The following MYH4 variants were observed in gnomAD, a reference collection of about 807,000 sequenced individuals.
MYH4 encodes myosin heavy chain 4.
Under a neutral mutation model 229.9 loss-of-function variants are expected in MYH4, and 200 were observed. The observed-to-expected ratio is 0.87, with a 90% confidence interval of 0.78 to 0.98. The LOEUF (loss-of-function observed/expected upper bound fraction) is 0.98. Ranked by LOEUF, MYH4 falls within the 50% of genes least tolerant of loss-of-function variation. The pLI, the probability that MYH4 is intolerant of heterozygous loss-of-function variation, is 0.00. For missense variants in MYH4, 2,148 were observed against 2,332.6 expected (o/e 0.92, Z 1.63); for synonymous variants, 761 against 834.6 (o/e 0.91, Z 1.52).
intron 34 of MYH4, 150 bp downstream of exon 34, chr17:10,447,668 T>C: frequency 3.8e-6 from 3 of 787,582 alleles, no homozygotes; most frequent in Non-Finnish European, 6.0e-6. Flanking sequence ...TTAAGCTCTT[T>C]TTCAGTTGTG....
chr17:10,466,483 T>C (rs749542980), intron 3 of MYH4, 59 bp downstream of exon 3: 7 of 1,612,280 alleles, frequency 4.3e-6, no homozygotes, highest in South Asian at 1.1e-5. Context: ...CAAAAAAATA[T>C]CACCTAAATT....
chr17:10,448,465 T>C lies in MYH4; in HGVS notation c.4587A>G (p.Glu1529=). The change falls in exon 33 of 40, where the codon GAA becomes GAG. Residue 1529 remains glutamate (E), a synonymous_variant. Transcript: ENST00000255381. ...QIAEGGKHIH[E]LEKVKKQLDH... ...CAAGTTGTTTCTTTACTTTCTCCAG[T>C]TCATGGATATGCTTTCCACCCTCTG... 6.2e-7 allele frequency: 1 copy of C among 1,614,038 alleles called. No individual in the cohort carries two copies. Among genetic ancestry groups the C allele is most frequent in the Non-Finnish European group, 8.5e-7 (1 of 1,179,926 alleles).
chr17:10,465,333 A>T, intron 5 of MYH4, 109 bp downstream of exon 5: 1 of 1,335,924 alleles, frequency 7.5e-7, no homozygotes, highest in South Asian at 1.4e-5. Flanking sequence ...TATTTCTGTT[A>T]TCATGTTTGT....
chr17:10,459,563 T>TAG lies in MYH4; in HGVS notation c.1417-143_1417-142insCT, dbSNP rs564821290. Reference sequence around the variant, plus strand: ...AGATTGTTTTCCTATTATATAGTTCTAAACAAAGTAGAATTGATTCTTTGA... The same window carrying TAG: ...AGATTGTTTTCCTATTATATAGTTCTAGAAACAAAGTAGAATTGATTCTTTGA... On this transcript the variant is annotated intron_variant, in intron 14 of 39. Transcript: ENST00000255381. 2.0e-4 allele frequency: 288 copies of TAG among 1,408,838 alleles called. 2 individuals are homozygous for TAG. In the South Asian group the frequency reaches 3.9e-3, roughly 19 times the overall value. The allele number at this position is 1,408,838 out of a possible 1,614,324, so 87.3% of individuals were successfully genotyped here. A position where few individuals can be genotyped will look rare whatever the true frequency, so the allele number is the denominator to read the frequency against.
intron 11 of MYH4, 98 bp downstream of exon 11, chr17:10,462,767 T>G: frequency 1.0e-6 from 1 of 984,728 alleles, no homozygotes; most frequent in Non-Finnish European, 1.5e-6. Context: ...GTATTACCTA[T>G]TTATAGTCTT....
Position 10,469,336 on chromosome 17 carries a change from A to G in MYH4, c.-88T>C, listed in dbSNP as rs1419278777. 2 of 152,340 alleles carry G rather than the reference A, an allele frequency of 1.3e-5. No homozygotes were observed. Among genetic ancestry groups the G allele is most frequent in the African/African-American group, 4.8e-5 (2 of 41,578 alleles). The allele number at this position is 152,340 out of a possible 1,614,324, so 9.4% of individuals were successfully genotyped here. On this transcript the variant is annotated splice_region_variant and 5_prime_UTR_variant, in exon 2 of 40. Coordinates refer to ENST00000255381, the MANE Select transcript of MYH4 (RefSeq NM_017533.2). Reference sequence around the variant, plus strand: ...GGTGGCAGGCTCAAAGCAGACAACTACTGTTGAAAGAAAAAAGAGAATGTG... The same window carrying G: ...GGTGGCAGGCTCAAAGCAGACAACTGCTGTTGAAAGAAAAAAGAGAATGTG...
chr17:10,454,906 G>T (rs1025594425), intron 21 of MYH4, 35 bp downstream of exon 21: 1 of 1,612,252 alleles, frequency 6.2e-7, no homozygotes. Context: ...ATTTATGAAA[G>T]TGTGGAGCAG....
chr17:10,465,536 A>G lies in MYH4; in HGVS notation c.411T>C (p.Pro137=), dbSNP rs1597424950. Residue 137 remains proline, a synonymous_variant, in exon 5 of 40, where the codon CCT becomes CCC. Coordinates refer to ENST00000255381, the MANE Select transcript of MYH4 (RefSeq NM_017533.2). ...NPYKWLPVYN[P]EVVTAYRGKK... is the part of the protein sequence containing the mutation. ...TGCCTCGGTAGGCTGTCACCACCTC[A>G]GGGTTGTACACCGGCAGCCACTTGT... 9 of 1,614,142 alleles carry G rather than the reference A, an allele frequency of 5.6e-6. No homozygotes were observed. The highest frequency in any genetic ancestry group is 7.6e-6 in the Non-Finnish European group (9 of 1,180,020).
intron 34 of MYH4, among the ~76,000 whole-genome samples, chr17:10,447,436 C>T (rs748632866): frequency 1.5e-4 from 23 of 152,120 alleles, no homozygotes; most frequent in Non-Finnish European, 2.6e-4. Context: ...TAAAAAATAC[C>T]ATGGCTAGCT....
In MYH4 at chr17:10,450,868, T is replaced by C. The variant is rs140459675; in HGVS notation, c.3893A>G (p.Lys1298Arg). 8.2e-5 allele frequency: 132 copies of C among 1,614,038 alleles called. No individual in the cohort carries two copies. In the African/African-American group the frequency reaches 1.6e-3, roughly 20 times the overall value. Reference protein sequence around the residue: ...SGEFSRQLDEKDAMVSQLSRG... With the variant: ...SGEFSRQLDERDAMVSQLSRG... ...GGATAGCTGAGAAACCATAGCATCT[T>C]TTTCATCTAGCTGTCGTGAAAACTC... Residue 1298 changes from lysine to arginine, a missense_variant, in exon 29 of 40, where the codon AAA (lysine) becomes AGA (arginine). Coordinates refer to ENST00000255381, the MANE Select transcript of MYH4 (RefSeq NM_017533.2).
intron 14 of MYH4, 56 bp from the exon 15 acceptor site, chr17:10,459,477 G>A (rs1305730834): frequency 6.2e-7 from 1 of 1,610,820 alleles, no homozygotes; most frequent in Non-Finnish European, 8.5e-7. Context: ...TATCTACAGA[G>A]TATCTATTAG....
Position 10,466,416 on chromosome 17 carries a change from T to C in MYH4, c.205A>G (p.Thr69Ala). ...ACTTGGTCTTCTTTCACAGTTACAG[T>C]CTGTTAAGAAAAGAAAAAACAAGTG... ...KVTAKTEAGA[T>A]VTVKEDQVFS... The change falls in exon 4 of 40, where the codon ACT becomes GCT. Residue 69 changes from threonine (T) to alanine (A), a missense_variant and splice_region_variant. Thr to Ala is a moderately conservative substitution (Grantham distance 58). Coordinates refer to ENST00000255381, the MANE Select transcript of MYH4 (RefSeq NM_017533.2). The C allele has an allele frequency of 6.2e-7, 1 of 1,613,692 alleles. No individual in the cohort carries two copies. Among genetic ancestry groups the C allele is most frequent in the Non-Finnish European group, 8.5e-7 (1 of 1,179,948 alleles).
At chr17:10,465,094 AC>A (rs1217339059) in intron 5 of MYH4, among the ~76,000 whole-genome samples, 1 of 152,246 alleles carries the variant, frequency 6.6e-6, no homozygotes, top group Non-Finnish European at 1.5e-5. Flanking sequence ...TTCAAAACTT[AC>A]TTTTTAGGAG....
Position 10,456,547 on chromosome 17 carries a change from C to T in MYH4, c.1906G>A (p.Gly636Ser), listed in dbSNP as rs772991962. ...GAQTAEAEGG[G>S]GKKGGKKKGS... ...TTCTTTTTGCCACCTTTCTTTCCAC[C>T]ACCACCCTCTAAAAAACAAAATGGG... Residue 636 changes from glycine (G) to serine (S), a missense_variant, in exon 17 of 40, where the codon GGT becomes AGT. By Grantham distance (56) the Gly-to-Ser change is moderately conservative. Coordinates refer to ENST00000255381, the MANE Select transcript of MYH4 (RefSeq NM_017533.2). The T allele has an allele frequency of 1.6e-5, 26 of 1,613,624 alleles. No individual in the cohort carries two copies. The African/African-American group carries it at 3.1e-4, about 19-fold the overall frequency.
In MYH4 at chr17:10,447,034, A is replaced by T; in HGVS notation, c.5148T>A (p.Arg1716=). 6.2e-7 allele frequency: 1 copy of T among 1,614,114 alleles called. No individual in the cohort carries two copies. The highest frequency in any genetic ancestry group is 8.5e-7 in the Non-Finnish European group (1 of 1,180,006). Residue 1716 remains arginine (R), a synonymous_variant, in exon 35 of 40, where the codon CGT becomes CGA. Transcript: ENST00000255381. ...AEQELLDASE[R]VQLLHTQNTS... ...TCACCTGAGTGTGCAGAAGTTGCAC[A>T]CGTTCACTGGCATCCAGAAGCTCTT...
In MYH4 at chr17:10,461,051, C is replaced by T. The variant is rs776137813; in HGVS notation, c.1012G>A (p.Ala338Thr). 1 of 1,613,938 alleles carries T rather than the reference C, an allele frequency of 6.2e-7. No individual in the cohort carries two copies. Among genetic ancestry groups the T allele is most frequent in the South Asian group, 1.1e-5 (1 of 91,066 alleles). ...GCAGTGAAACCCAGGATGTCCACAG[C>T]ACTCTGTCAAAAGAGTTGAATTTGC... is the stretch of plus-strand genomic sequence containing the variant. ...DQEELMATDSAVDILGFTADE... is the reference protein window; with the variant it reads ...DQEELMATDSTVDILGFTADE... The change falls in exon 12 of 40, where the codon GCT (alanine) becomes ACT (threonine). Residue 338 changes from alanine to threonine, a missense_variant. Physicochemically the swap from Ala to Thr is moderately conservative, Grantham distance 58. Transcript: ENST00000255381.
chr17:10,463,467 C>T, intron 8 of MYH4, 66 bp from the exon 9 acceptor site: 1 of 1,582,728 alleles, frequency 6.3e-7, no homozygotes, highest in Non-Finnish European at 8.7e-7. Flanking sequence ...TAGCTGTGGA[C>T]CAAACAGGTG....
chr17:10,444,951 A>G (rs1330288779), intron 37 of MYH4, 25 bp downstream of exon 37: 5 of 1,614,068 alleles, frequency 3.1e-6, no homozygotes, highest in East Asian at 4.5e-5. Context: ...GCCACAAGGA[A>G]TTGAGTGAAG....
chr17:10,446,154 A>G (rs909426863), intron 35 of MYH4, among the ~76,000 whole-genome samples: 11 of 151,914 alleles, frequency 7.2e-5, no homozygotes, highest in African/African-American at 2.4e-4. Context: ...AATAAGAAAA[A>G]TGTTGCATAT....
Sources: allele counts gnomAD v4.1 joint callset (sites outside exome capture counted in the v4.1 genomes callset), GRCh38; gene constraint gnomAD v4.1.1; transcripts MANE v1.5; gene names NCBI Gene and HGNC (gene_info 2026-07-23, HGNC 2026-07-21).